Variants in ABLIM3 observed in about 807,000 individuals in gnomAD.
ABLIM3 encodes the protein actin-binding LIM protein 3.
In ABLIM3, 61 loss-of-function variants were observed where a neutral mutation model predicts 109.5. That is an observed-to-expected ratio of 0.56 (90% CI 0.45 to 0.69). The LOEUF is 0.69. ABLIM3 is among the 30% of genes least tolerant of loss of function. The pLI, the probability that ABLIM3 is intolerant of heterozygous loss-of-function variation, is 0.00. For synonymous variants in ABLIM3, 300 were observed against 324.8 expected (o/e 0.92, Z 0.82); for missense variants, 796 against 889.5 (o/e 0.89, Z 1.34).
At chr5:149,223,192 T>C (rs2127534637) in intron 8 of ABLIM3, among the ~76,000 whole-genome samples, 1 of 152,260 alleles carries the variant, frequency 6.6e-6, no homozygotes, top group South Asian at 2.1e-4. Context: ...TACAGTGTAG[T>C]AGCTTAAGGT....
intron 8 of ABLIM3, chr5:149,218,310 A>G (rs1168280319): frequency 6.6e-6 from 1 of 152,280 alleles, no homozygotes; most frequent in African/African-American, 2.4e-5. Flanking sequence ...GGGGCAAGGC[A>G]GCTCTCTGGC....
intron 2 of ABLIM3, among the ~76,000 whole-genome samples, chr5:149,145,792 C>CCT (rs1752849484): frequency 6.8e-6 from 1 of 147,672 alleles, no homozygotes; most frequent in Non-Finnish European, 1.5e-5. Context: ...ACGTGTATGT[C>CCT]TTTTTTTTTT....
At chr5:149,211,071 C>T (rs1322371197) in intron 7 of ABLIM3, among the ~76,000 whole-genome samples, 9 of 152,150 alleles carry the variant, frequency 5.9e-5, no homozygotes, top group South Asian at 4.1e-4. Flanking sequence ...ATCTTTGATT[C>T]GGACCCAGAC....
At chr5:149,147,981 G>A (rs1753082424) in intron 2 of ABLIM3, among the ~76,000 whole-genome samples, 1 of 152,138 alleles carries the variant, frequency 6.6e-6, no homozygotes, top group Admixed American at 6.5e-5. Context: ...TGGATTTTAT[G>A]ACACTAGCAA....
rs116641098 is a variant in ABLIM3, at chr5:149,153,863, G to A, written c.13+11755G>A. ...CAAGGAGAACATACAGGCTCCACAT[G>A]CCGCCCTGCTGTTCCCAGGGGCTGT... On this transcript the variant is annotated intron_variant, in intron 2 of 23. Transcript: ENST00000309868. 1.8e-3 allele frequency among the ~76,000 whole-genome samples: 270 copies of A among 152,306 alleles called. 1 individual carries two copies. Among genetic ancestry groups the A allele is most frequent in the African/African-American group, 6.1e-3 (254 of 41,570 alleles).
In ABLIM3 at chr5:149,239,828, T is replaced by C. The variant is rs776082744; in HGVS notation, c.1144T>C (p.Tyr382His). ...CCCGGGGTACATAGACTCCCCCACC[T>C]ACAGCCGGCAGGGCATGTCCCCCAC... ...SSPGYIDSPT[Y>H]SRQGMSPTFS... Residue 382 changes from tyrosine (Y) to histidine (H), a missense_variant, in exon 13 of 24, where the codon TAC (tyrosine) becomes CAC (histidine). Coordinates refer to ENST00000309868, the MANE Select transcript of ABLIM3 (RefSeq NM_014945.5). 5.0e-6 allele frequency: 8 copies of C among 1,611,170 alleles called. No individual in the cohort carries two copies. Among genetic ancestry groups the C allele is most frequent in the Non-Finnish European group, 6.8e-6 (8 of 1,178,568 alleles).
chr5:149,162,079 C>G (rs1754427402), intron 2 of ABLIM3, among the ~76,000 whole-genome samples: 1 of 152,152 alleles, frequency 6.6e-6, no homozygotes, highest in African/African-American at 2.4e-5. Flanking sequence ...TGGTGATGAT[C>G]AAATGAGGCA....
In ABLIM3 at chr5:149,207,022, AAGG is replaced by A; in HGVS notation, c.469_471del (p.Glu157del). On this transcript the variant is annotated inframe_deletion, in exon 6 of 24. Coordinates refer to ENST00000309868, the MANE Select transcript of ABLIM3 (RefSeq NM_014945.5). ...TTGTCTTGCAGACTGTGCCGGGTGC[AAGG>A]AGGAGATCAAGCACGGCCAGTCACT... The A allele has an allele frequency of 6.2e-7, 1 of 1,613,846 alleles. No individual in the cohort carries two copies. Among genetic ancestry groups the A allele is most frequent in the South Asian group, 1.1e-5 (1 of 91,064 alleles).
At chr5:149,148,980 G>A (rs1297600203) in intron 2 of ABLIM3, among the ~76,000 whole-genome samples, 1 of 152,206 alleles carries the variant, frequency 6.6e-6, no homozygotes, top group Non-Finnish European at 1.5e-5. Flanking sequence ...CATTTTATAG[G>A]CTTCCTCCTG....
intron 10 of ABLIM3, among the ~76,000 whole-genome samples, chr5:149,233,818 A>G (rs1290953422): frequency 6.6e-6 from 1 of 152,242 alleles, no homozygotes; most frequent in Non-Finnish European, 1.5e-5. Context: ...TGGGAAGTCC[A>G]GGGATGGAGC....
intron 23 of ABLIM3, among the ~76,000 whole-genome samples, chr5:149,254,539 T>A (rs1392712484): frequency 6.6e-6 from 1 of 152,102 alleles, no homozygotes; most frequent in Non-Finnish European, 1.5e-5. Flanking sequence ...GAGCTGCCCT[T>A]GACTTGATGG....
intron 2 of ABLIM3, among the ~76,000 whole-genome samples, chr5:149,165,969 C>T (rs950284452): frequency 1.3e-5 from 2 of 152,174 alleles, no homozygotes; most frequent in Non-Finnish European, 2.9e-5. Context: ...AGAATCTAAG[C>T]ATATTTAACC....
At chr5:149,201,769 G>A (rs1161639887) in intron 5 of ABLIM3, among the ~76,000 whole-genome samples, 6 of 152,110 alleles carry the variant, frequency 3.9e-5, no homozygotes, top group Non-Finnish European at 5.9e-5. Flanking sequence ...ATGGGACCAC[G>A]ACCCTGTGGC....
chr5:149,207,137 G>A lies in ABLIM3; in HGVS notation c.575+3G>A. 1 of 1,612,636 alleles carries A rather than the reference G, an allele frequency of 6.2e-7. No homozygotes were observed. Among genetic ancestry groups the A allele is most frequent in the Non-Finnish European group, 8.5e-7 (1 of 1,179,228 alleles). On this transcript the variant is annotated splice_donor_region_variant and intron_variant, in intron 6 of 23. Transcript: ENST00000309868. ...CTCACCGGGGAGTATATCAGCAAGT[G>A]GGTCCCCCTGCTCCTGCCCCAGCTG... is the stretch of plus-strand genomic sequence containing the variant.
intron 3 of ABLIM3, among the ~76,000 whole-genome samples, chr5:149,191,482 G>A (rs922854271): frequency 7.9e-5 from 12 of 152,130 alleles, no homozygotes; most frequent in Non-Finnish European, 1.8e-4. Flanking sequence ...TTGGAATCAA[G>A]TTCTACAAAA....
Position 149,245,185 on chromosome 5 carries a change from A to G in ABLIM3, c.1486+170A>G, listed in dbSNP as rs1331002356. ...AACAAATATGTACTAAACACTGGCC[A>G]TGGACCCTAGCAATACACTGGGGAG... On this transcript the variant is annotated intron_variant, in intron 16 of 23. Transcript: ENST00000309868. Among the ~76,000 whole-genome samples the G allele has an allele frequency of 2.6e-5, 4 of 152,354 alleles. No individual in the cohort carries two copies. The East Asian group carries it at 7.7e-4, about 29-fold the overall frequency.
At chr5:149,232,352 GA>G (rs1761946292) in intron 9 of ABLIM3, among the ~76,000 whole-genome samples, 1 of 152,114 alleles carries the variant, frequency 6.6e-6, no homozygotes, top group East Asian at 1.9e-4. Context: ...GAGAGTTGTT[GA>G]AAAGAATTAG....
At chr5:149,246,574 G>T in intron 17 of ABLIM3, 28 bp downstream of exon 17, 3 of 1,612,242 alleles carry the variant, frequency 1.9e-6, no homozygotes, top group Non-Finnish European at 1.7e-6. Context: ...CACTGAATAT[G>T]ATGCTTAGAG....
At chr5:149,148,128 T>C (rs1193104397) in intron 2 of ABLIM3, among the ~76,000 whole-genome samples, 2 of 152,132 alleles carry the variant, frequency 1.3e-5, no homozygotes, top group Non-Finnish European at 2.9e-5. Context: ...TTTTTACTAA[T>C]AAAAAAATGC....
Sources: allele counts gnomAD v4.1 joint callset (sites outside exome capture counted in the v4.1 genomes callset), GRCh38; gene constraint gnomAD v4.1.1; transcripts MANE v1.5; gene names NCBI Gene and HGNC (gene_info 2026-07-23, HGNC 2026-07-21).